Variants in LINGO2 observed in about 807,000 individuals in gnomAD.
LINGO2 encodes the protein leucine rich repeat and Ig domain containing 2.
Under a neutral mutation model 30.6 loss-of-function variants are expected in LINGO2, and 14 were observed. The ratio of observed to expected loss-of-function variants is 0.46; its 90% CI spans 0.30 to 0.72. The LOEUF (loss-of-function observed/expected upper bound fraction) is 0.72. LINGO2 is among the 30% of genes least tolerant of loss of function. The pLI, the probability that LINGO2 is intolerant of heterozygous loss-of-function variation, is 0.07. For synonymous variants in LINGO2, 317 were observed against 288.5 expected, an observed-to-expected ratio of 1.10 and a Z score of -1.00; for missense variants, 729 against 751.7, an observed-to-expected ratio of 0.97 and a Z score of 0.35.
At chr9:29,141,203 G>A in the LINGO2 span, among the ~76,000 whole-genome samples, 2 of 151,902 alleles carry the variant, frequency 1.3e-5, no homozygotes, top group South Asian at 4.1e-4. Flanking sequence ...TTTAAAGACA[G>A]AAGTATAAAA....
At chr9:28,094,513 A>ATGTG (rs148153724) in intron 4 of LINGO2, among the ~76,000 whole-genome samples, 12 of 150,602 alleles carry the variant, frequency 8.0e-5, no homozygotes, top group East Asian at 3.9e-4. Flanking sequence ...GAAAGGGGAT[A>ATGTG]TGTGTGTGTG....
chr9:29,020,942 TA>T, the LINGO2 span, among the ~76,000 whole-genome samples: 1 of 152,110 alleles, frequency 6.6e-6, no homozygotes, highest in Admixed American at 6.5e-5. Flanking sequence ...TTATTCAAAC[TA>T]AATTAAAATA....
Position 27,984,718 on chromosome 9 carries a change from A to G in LINGO2, c.-36+27637T>C, listed in dbSNP as rs1821042421. 2.6e-5 allele frequency among the ~76,000 whole-genome samples: 4 copies of G among 151,826 alleles called. No individual in the cohort carries two copies. The South Asian group carries it at 8.3e-4, about 31-fold the overall frequency. On this transcript the variant is annotated intron_variant, in intron 5 of 5. Coordinates refer to ENST00000379992, the Ensembl canonical transcript of LINGO2. ...GATCTTTAGAATTTTATATTCTAGAAGCAGAGTAAGGTAAGGAGATTGGCT... is the reference window on the plus strand; with the variant it reads ...GATCTTTAGAATTTTATATTCTAGAGGCAGAGTAAGGTAAGGAGATTGGCT...
At chr9:28,548,307 C>A (rs1822059337) in intron 1 of LINGO2, among the ~76,000 whole-genome samples, 2 of 152,018 alleles carry the variant, frequency 1.3e-5, no homozygotes, top group Admixed American at 6.5e-5. Flanking sequence ...CCATAGTAGA[C>A]AAGGTTTTGA....
rs1209402628 is a variant in LINGO2, at chr9:28,329,742, CA to C, written c.-245-34377del. ...AATTTTAACTTGCCCTTCAAGACTT[CA>C]AACAGGCATGACCTTTTCCATGCAG... On this transcript the variant is annotated intron_variant, in intron 3 of 5. Transcript: ENST00000379992. The surrounding 1 kb of genome is among the most constrained non-coding windows in gnomAD (Gnocchi z 4.5). Among the ~76,000 whole-genome samples, 2 of 152,074 alleles carry C rather than the reference CA, an allele frequency of 1.3e-5. No individual in the cohort carries two copies. The highest frequency in any genetic ancestry group is 6.6e-5 in the Admixed American group (1 of 15,248).
At chr9:28,824,005 A>G in the LINGO2 span, among the ~76,000 whole-genome samples, 12 of 151,710 alleles carry the variant, frequency 7.9e-5, no homozygotes, top group Non-Finnish European at 1.8e-4. Context: ...AAAGAAACAG[A>G]AAAAAAAAGT....
rs78850998 is a variant in LINGO2, at chr9:28,362,333, A to C, written c.-246+10503T>G. Among the ~76,000 whole-genome samples, 1,154 of 152,356 alleles carry C rather than the reference A, an allele frequency of 7.6e-3. 20 individuals carry two copies. The highest frequency in any genetic ancestry group is 0.026 in the African/African-American group (1,102 of 41,588). On this transcript the variant is annotated intron_variant, in intron 3 of 5. Transcript: ENST00000379992. ...AAAGATTTCACTGTTTTGCTTCAAA[A>C]GGATTTGAGAGAACCCAGAAGTCAA...
Position 28,286,503 on chromosome 9 carries a change from T to C in LINGO2, c.-87+8705A>G, listed in dbSNP as rs187060769. Among the ~76,000 whole-genome samples the C allele has an allele frequency of 2.3e-4, 35 of 152,302 alleles. No homozygotes were observed. In the East Asian group the frequency reaches 6.6e-3, roughly 29 times the overall value. Reference sequence around the variant, plus strand: ...TAAATCATTCTATTATAAAGACACATGCACACATATGTTCCTTGCAGCACT... The same window carrying C: ...TAAATCATTCTATTATAAAGACACACGCACACATATGTTCCTTGCAGCACT... On this transcript the variant is annotated intron_variant, in intron 4 of 5. Transcript: ENST00000379992.
chr9:28,997,426 A>G, the LINGO2 span, among the ~76,000 whole-genome samples: 39 of 152,238 alleles, frequency 2.6e-4, no homozygotes, highest in Admixed American at 2.2e-3. Flanking sequence ...TGAATATTCT[A>G]TGGCTATTAG....
chr9:29,173,220 C>G, the LINGO2 span, among the ~76,000 whole-genome samples: 3 of 152,038 alleles, frequency 2.0e-5, no homozygotes, highest in Middle Eastern at 0.01. Context: ...GACTACTATC[C>G]CAAGAGTCAA....
chr9:28,125,261 C>T (rs1827204584), intron 4 of LINGO2, among the ~76,000 whole-genome samples: 1 of 152,182 alleles, frequency 6.6e-6, no homozygotes, highest in Non-Finnish European at 1.5e-5. Context: ...AGCAGCATAA[C>T]AATCCATTGG....
intron 1 of LINGO2, among the ~76,000 whole-genome samples, chr9:28,609,009 T>C (rs949107487): frequency 6.6e-6 from 1 of 151,998 alleles, no homozygotes; most frequent in Non-Finnish European, 1.5e-5. Context: ...AATAGTTACA[T>C]AGCTTCAAGG....
At chr9:28,946,723 T>C in the LINGO2 span, among the ~76,000 whole-genome samples, 2 of 152,032 alleles carry the variant, frequency 1.3e-5, no homozygotes, top group Non-Finnish European at 2.9e-5. Flanking sequence ...AAAGTAAAAA[T>C]GTAATCTTCA....
At chr9:28,193,891 T>A (rs1017004290) in intron 4 of LINGO2, among the ~76,000 whole-genome samples, 10 of 152,196 alleles carry the variant, frequency 6.6e-5, no homozygotes, top group Non-Finnish European at 1.5e-4. Flanking sequence ...TAGTTTGGTC[T>A]CCTTTACAGA....
the LINGO2 span, among the ~76,000 whole-genome samples, chr9:28,678,714 C>T: frequency 6.6e-6 from 1 of 152,046 alleles, no homozygotes. Context: ...ATAAATGGAA[C>T]TGTCATTACT....
the LINGO2 span, among the ~76,000 whole-genome samples, chr9:28,879,961 C>T: frequency 6.6e-6 from 1 of 152,160 alleles, no homozygotes; most frequent in South Asian, 2.1e-4. Flanking sequence ...CTTCCTAATA[C>T]TTATTTACTT....
chr9:28,028,433 A>C (rs977988909), intron 4 of LINGO2, among the ~76,000 whole-genome samples: 1 of 152,132 alleles, frequency 6.6e-6, no homozygotes, highest in African/African-American at 2.4e-5. Context: ...TAAAAGGTGG[A>C]AGTAGGATTT....
chr9:28,642,357 T>G (rs1316721021), intron 1 of LINGO2, among the ~76,000 whole-genome samples: 1 of 152,178 alleles, frequency 6.6e-6, no homozygotes, highest in Non-Finnish European at 1.5e-5. Context: ...TTGTGACCAT[T>G]GTCCATAATC....
the LINGO2 span, among the ~76,000 whole-genome samples, chr9:29,082,116 G>A: frequency 1.7e-4 from 26 of 152,062 alleles, no homozygotes; most frequent in African/African-American, 2.4e-4. Context: ...AGCCTGCATC[G>A]CCAAGTCAAC....
Sources: allele counts gnomAD v4.1 joint callset (sites outside exome capture counted in the v4.1 genomes callset), GRCh38; gene constraint gnomAD v4.1.1; non-coding constraint Gnocchi (gnomAD v3.1); transcripts MANE v1.5; gene names NCBI Gene and HGNC (gene_info 2026-07-23, HGNC 2026-07-21).